Variants in EMP3 observed in about 807,000 individuals in gnomAD.
The protein encoded by EMP3 is epithelial membrane protein 3 (MAM blood group).
A neutral mutation model predicts 21.6 loss-of-function variants in EMP3; 15 were observed. The observed-to-expected ratio is 0.69, with a 90% CI of 0.46 to 1.07. The LOEUF is 1.07. Among genes scored for constraint, EMP3 ranks in the 50% least tolerant of loss-of-function variants. The probability of loss-of-function intolerance (pLI) is 0.00; values close to 1 mark genes in which losing one functional copy is unlikely to be tolerated. For missense variants in EMP3, 183 were observed against 206.6 expected (o/e 0.89, Z 0.70); for synonymous variants, 107 against 86.1 (o/e 1.24, Z -1.34).
Position 48,330,433 on chromosome 19 carries a change from G to C in EMP3, c.455G>C (p.Ser152Thr). 6.3e-7 allele frequency: 1 copy of C among 1,596,762 alleles called. No homozygotes were observed. The highest frequency in any genetic ancestry group is 8.5e-7 in the Non-Finnish European group (1 of 1,172,632). Reference protein sequence around the residue: ...AWVAFPLALVSGIIYIHLRKR... With the variant: ...AWVAFPLALVTGIIYIHLRKR... Reference sequence around the variant, plus strand: ...GTGGCCTTCCCCCTCGCCCTGGTCAGCGGCATCATCTACATCCACCTACGG... The same window carrying C: ...GTGGCCTTCCCCCTCGCCCTGGTCACCGGCATCATCTACATCCACCTACGG... Residue 152 changes from serine to threonine, a missense_variant, in exon 5 of 5, where the codon AGC (serine) becomes ACC (threonine). Coordinates refer to ENST00000270221, the MANE Select transcript of EMP3 (RefSeq NM_001425.3).
chr19:48,327,863 A>G (rs1026471748), intron 3 of EMP3: 4 of 487,528 alleles, frequency 8.2e-6, no homozygotes, highest in Non-Finnish European at 1.5e-5. Context: ...GCTGGAGTGC[A>G]GTGGCGCAAT....
At position 48,326,862 on chromosome 19, in the gene EMP3, G is replaced by A. The variant is rs1284784089; in HGVS notation, c.18G>A (p.Leu6=). MSLLL[L]VVSALHILIL... is the part of the protein sequence containing the mutation. ...CTGCAGCCATGTCACTCCTCTTGCTGGTGGTCTCAGCCCTTCACATCCTCA... is the reference window on the plus strand; with the variant it reads ...CTGCAGCCATGTCACTCCTCTTGCTAGTGGTCTCAGCCCTTCACATCCTCA... The change falls in exon 2 of 5, where the codon CTG becomes CTA. Residue 6 remains leucine (L), a synonymous_variant. Coordinates refer to ENST00000270221, the MANE Select transcript of EMP3 (RefSeq NM_001425.3). 2 of 1,613,950 alleles carry A rather than the reference G, an allele frequency of 1.2e-6. No homozygotes were observed. Among genetic ancestry groups the A allele is most frequent in the Admixed American group, 1.7e-5 (1 of 60,000 alleles).
In EMP3 at chr19:48,329,388, C is replaced by G; in HGVS notation, c.218C>G (p.Ser73Cys). The G allele has an allele frequency of 6.2e-7, 1 of 1,614,066 alleles. No homozygotes were observed. The highest frequency in any genetic ancestry group is 1.1e-5 in the South Asian group (1 of 91,074). The change falls in exon 4 of 5, where the codon TCC becomes TGC. Residue 73 changes from serine (S) to cysteine (C), a missense_variant. Physicochemically the swap from Ser to Cys is moderately radical, Grantham distance 112. Transcript: ENST00000270221. This position sits in a 1 kb window ranked among gnomAD's most constrained non-coding sequence, Gnocchi z 4.5. ...GCGGTGCAGGTCCTCATGGTGCTCT[C>G]CCTCATTCTCTGCTGTCTCTCCTTC... ...LKAVQVLMVL[S>C]LILCCLSFIL...
chr19:48,329,394 T>G lies in EMP3; in HGVS notation c.224T>G (p.Ile75Ser). 6.2e-7 allele frequency: 1 copy of G among 1,614,112 alleles called. No homozygotes were observed. The highest frequency in any genetic ancestry group is 8.5e-7 in the Non-Finnish European group (1 of 1,180,014). The change falls in exon 4 of 5, where the codon ATT becomes AGT. Residue 75 changes from isoleucine (I) to serine (S), a missense_variant. By Grantham distance (142) the Ile-to-Ser change is moderately radical (BLOSUM62 -2). Transcript: ENST00000270221. The surrounding 1 kb of genome is among the most constrained non-coding windows in gnomAD (Gnocchi z 4.5). ...AVQVLMVLSL[I>S]LCCLSFILFM... ...CAGGTCCTCATGGTGCTCTCCCTCA[T>G]TCTCTGCTGTCTCTCCTTCATCCTG...
In EMP3 at chr19:48,329,673, C is replaced by T. The variant is rs1331825053; in HGVS notation, c.322+181C>T. Among the ~76,000 whole-genome samples, 1 of 152,126 alleles carries T rather than the reference C, an allele frequency of 6.6e-6. No homozygotes were observed. Among genetic ancestry groups the T allele is most frequent in the African/African-American group, 2.4e-5 (1 of 41,424 alleles). On this transcript the variant is annotated intron_variant, in intron 4 of 4. Coordinates refer to ENST00000270221, the MANE Select transcript of EMP3 (RefSeq NM_001425.3). The surrounding 1 kb of genome is among the most constrained non-coding windows in gnomAD (Gnocchi z 4.5). ...TCTCTGCCCCCAGGGATTGCTGGGACTTGTAGTTTTCAGTGGCTAATGATA... is the reference window on the plus strand; with the variant it reads ...TCTCTGCCCCCAGGGATTGCTGGGATTTGTAGTTTTCAGTGGCTAATGATA...
chr19:48,327,029 T>A (rs10415654), intron 2 of EMP3, 107 bp downstream of exon 2: 473,145 of 960,660 alleles, frequency 0.49, 118,859 homozygotes, highest in Middle Eastern at 0.62. Context: ...TATTTCTTTT[T>A]TATTTTATTT....
rs73587220 is a variant in EMP3 at position 48,329,713 on chromosome 19, G to A, written c.322+221G>A. 8.2e-3 allele frequency among the ~76,000 whole-genome samples: 1,254 copies of A among 152,260 alleles called. 19 individuals are homozygous for A. Among genetic ancestry groups the A allele is most frequent in the African/African-American group, 0.029 (1,184 of 41,534 alleles). ...GGCTAATGATAGTTATGGCTTGTGC[G>A]TATGAGTCATCAGGGAACTCAGAGT... On this transcript the variant is annotated intron_variant, in intron 4 of 4. Transcript: ENST00000270221. The surrounding 1 kb of genome is among the most constrained non-coding windows in gnomAD (Gnocchi z 4.5).
chr19:48,327,595 A>C lies in EMP3; in HGVS notation c.153A>C (p.Thr51=), dbSNP rs776257972. The C allele has an allele frequency of 6.2e-7, 1 of 1,613,900 alleles. No homozygotes were observed. Among genetic ancestry groups the C allele is most frequent in the East Asian group, 2.2e-5 (1 of 44,874 alleles). Residue 51 remains threonine (T), a synonymous_variant, in exon 3 of 5, where the codon ACA becomes ACC. Transcript: ENST00000270221. ...GCACGTGGAACAACGACACCAAAACATGGGCCTGCAGTAATGTCAGCGAGA... is the reference window on the plus strand; with the variant it reads ...GCACGTGGAACAACGACACCAAAACCTGGGCCTGCAGTAATGTCAGCGAGA... ...YDCTWNNDTK[T]WACSNVSENG...
Position 48,329,410 on chromosome 19 carries a change from C to T in EMP3, c.240C>T (p.Ser80=), listed in dbSNP as rs1969171624. Residue 80 remains serine (S), a synonymous_variant, in exon 4 of 5, where the codon TCC becomes TCT. Transcript: ENST00000270221. This position sits in a 1 kb window ranked among gnomAD's most constrained non-coding sequence, Gnocchi z 4.5. ...TCTCCCTCATTCTCTGCTGTCTCTC[C>T]TTCATCCTGTTCATGTTCCAGCTCT... The part of the protein sequence containing the change: ...MVLSLILCCL[S]FILFMFQLYT... 3.1e-6 allele frequency: 5 copies of T among 1,612,908 alleles called. No individual in the cohort carries two copies. The highest frequency in any genetic ancestry group is 4.2e-6 in the Non-Finnish European group (5 of 1,179,700).
intron 3 of EMP3, among the ~76,000 whole-genome samples, chr19:48,328,072 C>T (rs934945501): frequency 1.3e-5 from 2 of 152,084 alleles, no homozygotes; most frequent in Non-Finnish European, 2.9e-5. Context: ...TCCCAAAGTG[C>T]TGAGATTACA....
At chr19:48,327,029 T>G (rs10415654) in intron 2 of EMP3, 107 bp downstream of exon 2, 3 of 962,922 alleles carry the variant, frequency 3.1e-6, no homozygotes, top group Non-Finnish European at 5.0e-6. Context: ...TATTTCTTTT[T>G]TATTTTATTT....
intron 3 of EMP3, chr19:48,327,912 A>G (rs557278160): frequency 2.5e-5 from 9 of 358,248 alleles, no homozygotes; most frequent in South Asian, 2.4e-4. Flanking sequence ...GGTCCGAGCA[A>G]TTCTCCTGCC....
Position 48,330,445 on chromosome 19 carries a change from A to G in EMP3, c.467A>G (p.Tyr156Cys), listed in dbSNP as rs778634607. 8 of 1,589,488 alleles carry G rather than the reference A, an allele frequency of 5.0e-6. No homozygotes were observed. The highest frequency in any genetic ancestry group is 6.8e-6 in the Non-Finnish European group (8 of 1,169,656). The change falls in exon 5 of 5, where the codon TAC becomes TGC. Residue 156 changes from tyrosine to cysteine, a missense_variant. Physicochemically the swap from Tyr to Cys is radical, Grantham distance 194. Transcript: ENST00000270221. ...CTCGCCCTGGTCAGCGGCATCATCT[A>G]CATCCACCTACGGAAGCGGGAGTGA... ...FPLALVSGIIYIHLRKRE is the reference protein window; with the variant it reads ...FPLALVSGIICIHLRKRE
intron 1 of EMP3, chr19:48,325,934 C>T (rs1969115260): frequency 6.6e-6 from 1 of 152,242 alleles, no homozygotes; most frequent in Non-Finnish European, 1.5e-5. Flanking sequence ...TCCCCTGTTC[C>T]TGGGCACCAA....
chr19:48,326,214 T>C (rs1969120697), intron 1 of EMP3, among the ~76,000 whole-genome samples: 1 of 152,024 alleles, frequency 6.6e-6, no homozygotes, highest in African/African-American at 2.4e-5. Context: ...TGGGGGCAGC[T>C]CCTCAATCCT....
At position 48,329,123 on chromosome 19, in the gene EMP3, G is replaced by GA. The variant is rs984292268; in HGVS notation, c.182-221dup. The GA allele has an allele frequency of 1.6e-4, 85 of 536,540 alleles. No individual in the cohort carries two copies. The highest frequency in any genetic ancestry group is 1.7e-4 in the East Asian group (5 of 29,158). The allele number at this position is 536,540 out of a possible 1,614,324, so 33.2% of individuals were successfully genotyped here. The stretch of plus-strand genomic sequence containing the variant: ...GGCAACAGAGCAAGACCTGGTTTCA[G>GA]AAAAAAAAGAAAAAGGAAATTGGCA... On this transcript the variant is annotated intron_variant, in intron 3 of 4. Coordinates refer to ENST00000270221, the MANE Select transcript of EMP3 (RefSeq NM_001425.3). The surrounding 1 kb of genome is among the most constrained non-coding windows in gnomAD (Gnocchi z 4.5).
chr19:48,327,800 C>G (rs1431305619), intron 3 of EMP3, 177 bp downstream of exon 3: 1 of 586,646 alleles, frequency 1.7e-6, no homozygotes, highest in Non-Finnish European at 3.0e-6. Context: ...GTACCTACCT[C>G]TTGTTTTTTT....
Position 48,329,351 on chromosome 19 carries a change from G to A in EMP3, c.182-1G>A, listed in dbSNP as rs764214118. 3 of 1,614,068 alleles carry A rather than the reference G, an allele frequency of 1.9e-6. No individual in the cohort carries two copies. The Admixed American group carries it at 5.0e-5, about 27-fold the overall frequency. ...CCCCCTCTGTGTCCTCCTTACTGCAGGCTGGCTGAAGGCGGTGCAGGTCCT... is the reference window on the plus strand; with the variant it reads ...CCCCCTCTGTGTCCTCCTTACTGCAAGCTGGCTGAAGGCGGTGCAGGTCCT... On this transcript the variant is annotated splice_acceptor_variant, in intron 3 of 4. Coordinates refer to ENST00000270221, the MANE Select transcript of EMP3 (RefSeq NM_001425.3). LOFTEE classifies it high-confidence loss of function. This position sits in a 1 kb window ranked among gnomAD's most constrained non-coding sequence, Gnocchi z 4.5.
In EMP3 at chr19:48,325,576, T is replaced by C. The variant is rs1050147060; in HGVS notation, c.-50T>C. On this transcript the variant is annotated 5_prime_UTR_variant, in exon 1 of 5. Transcript: ENST00000270221. ...CGGAGGCCCGAGCGAGGGACAAGAC[T>C]CCGACTCCAGCTCTGACTTTTTTCG... 6.6e-6 allele frequency: 1 copy of C among 151,754 alleles called. No individual in the cohort carries two copies. Among genetic ancestry groups the C allele is most frequent in the African/African-American group, 2.4e-5 (1 of 41,260 alleles). The allele number at this position is 151,754 out of a possible 1,614,324, so 9.4% of individuals were successfully genotyped here.
Sources: gnomAD v4.1 joint callset for allele counts (sites outside exome capture counted in the v4.1 genomes callset) on GRCh38, gnomAD v4.1.1 for gene constraint, Gnocchi (gnomAD v3.1) non-coding constraint, MANE v1.5 for transcripts, NCBI Gene and HGNC (gene_info 2026-07-23, HGNC 2026-07-21) for gene names.